The following RNF4 variants were observed in gnomAD, a reference collection of about 807,000 sequenced individuals.
RNF4 encodes the protein ring finger protein 4.
Under a neutral mutation model 24.3 loss-of-function variants are expected in RNF4, and 7 were observed. The observed-to-expected ratio is 0.29, with a 90% confidence interval of 0.16 to 0.54. The LOEUF (loss-of-function observed/expected upper bound fraction) is 0.54, where lower values mean the gene tolerates loss of function less well. RNF4 is among the 20% of genes least tolerant of loss of function. The pLI is 0.95. For missense variants in RNF4, 209 were observed against 248.5 expected (o/e 0.84, Z 1.07); for synonymous variants, 83 against 84.3 (o/e 0.98, Z 0.09).
chr4:2,510,363 C>T (rs1231814985), intron 4 of RNF4, among the ~76,000 whole-genome samples: 3 of 152,192 alleles, frequency 2.0e-5, no homozygotes, highest in Non-Finnish European at 4.4e-5. Flanking sequence ...GTGTCTGCTC[C>T]ATGAAGAAGG....
At chr4:2,496,939 A>C (rs1735754941) in intron 2 of RNF4, 68 bp from the exon 3 acceptor site, 3 of 1,181,774 alleles carry the variant, frequency 2.5e-6, no homozygotes, top group Non-Finnish European at 3.6e-6. Flanking sequence ...TCTATTGCCC[A>C]TTTAGTTCTT....
At chr4:2,481,843 G>C (rs1735254006) in intron 1 of RNF4, among the ~76,000 whole-genome samples, 1 of 152,104 alleles carries the variant, frequency 6.6e-6, no homozygotes. Flanking sequence ...AAGTAGCTGG[G>C]ACTACAGTCG....
At chr4:2,501,150 T>G (rs180758875) in intron 4 of RNF4, among the ~76,000 whole-genome samples, 25 of 152,338 alleles carry the variant, frequency 1.6e-4, no homozygotes, top group Non-Finnish European at 3.2e-4. Flanking sequence ...TCATTCACTT[T>G]CCATGAAATG....
chr4:2,487,698 A>G (rs1735453289), intron 1 of RNF4, among the ~76,000 whole-genome samples: 1 of 152,172 alleles, frequency 6.6e-6, no homozygotes, highest in Non-Finnish European at 1.5e-5. Context: ...CTGGGGTTAT[A>G]GGGCATGAGC....
At chr4:2,471,496 C>G (rs1397833667) in intron 1 of RNF4, among the ~76,000 whole-genome samples, 1 of 138,670 alleles carries the variant, frequency 7.2e-6, no homozygotes, top group South Asian at 2.9e-4. Flanking sequence ...GCAAAAGGAG[C>G]AGTCAGTTGA....
intron 4 of RNF4, among the ~76,000 whole-genome samples, chr4:2,501,312 A>G (rs1258870618): frequency 6.6e-6 from 1 of 152,254 alleles, no homozygotes; most frequent in East Asian, 1.9e-4. Context: ...AGCACTGCCC[A>G]TGGGAAATCT....
chr4:2,505,500 T>A, intron 4 of RNF4: 1 of 151,102 alleles, frequency 6.6e-6, no homozygotes, highest in Non-Finnish European at 1.5e-5. Flanking sequence ...TAATTTTTTG[T>A]ATTTTTAGTA....
At chr4:2,496,902 G>C in intron 2 of RNF4, 105 bp from the exon 3 acceptor site, 2 of 739,536 alleles carry the variant, frequency 2.7e-6, no homozygotes, top group South Asian at 1.9e-5. Context: ...AAGTCTACTC[G>C]CTGGCTTCTT....
rs1246701013 is a variant in RNF4, at chr4:2,512,405, C to T, written c.215-33C>T. On this transcript the variant is annotated intron_variant, in intron 5 of 7. Coordinates refer to ENST00000314289, the MANE Select transcript of RNF4 (RefSeq NM_002938.5). This position sits in a 1 kb window ranked among gnomAD's most constrained non-coding sequence, Gnocchi z 4.1. ...TGGTGAGGATGGTAAGAGTAGAGAG[C>T]CTCCAACCTGAAAATGTGACCTCTT... 4 of 1,582,208 alleles carry T rather than the reference C, an allele frequency of 2.5e-6. No individual in the cohort carries two copies. Among genetic ancestry groups the T allele is most frequent in the Non-Finnish European group, 2.6e-6 (3 of 1,164,326 alleles).
intron 3 of RNF4, 120 bp from the exon 4 acceptor site, chr4:2,500,539 C>G (rs1578518247): frequency 8.2e-6 from 8 of 972,664 alleles, no homozygotes; most frequent in Non-Finnish European, 1.2e-5. Flanking sequence ...GCAGTGTATA[C>G]TTCAGGATTG....
chr4:2,472,897 G>T (rs912411424), intron 1 of RNF4, among the ~76,000 whole-genome samples: 1 of 151,630 alleles, frequency 6.6e-6, no homozygotes, highest in Non-Finnish European at 1.5e-5. Flanking sequence ...AAAATTAGCC[G>T]GTCTTGGCAG....
At chr4:2,487,041 T>G (rs1334372853) in intron 1 of RNF4, among the ~76,000 whole-genome samples, 1 of 152,216 alleles carries the variant, frequency 6.6e-6, no homozygotes, top group Non-Finnish European at 1.5e-5. Context: ...CCACCTCTGT[T>G]GAAACCAACT....
At chr4:2,501,217 G>C (rs187251303) in intron 4 of RNF4, among the ~76,000 whole-genome samples, 1 of 152,250 alleles carries the variant, frequency 6.6e-6, no homozygotes, top group African/African-American at 2.4e-5. Flanking sequence ...AACAGATGCC[G>C]TGTTTGAGTG....
intron 1 of RNF4, among the ~76,000 whole-genome samples, chr4:2,482,003 T>A (rs1185500210): frequency 6.6e-6 from 1 of 152,220 alleles, no homozygotes; most frequent in African/African-American, 2.4e-5. Context: ...GGCTTCTGGG[T>A]GCTGGATTTC....
chr4:2,501,999 C>T (rs146768207), intron 4 of RNF4, among the ~76,000 whole-genome samples: 45 of 152,286 alleles, frequency 3.0e-4, no homozygotes, highest in African/African-American at 1.1e-3. Flanking sequence ...GTCTCATTAA[C>T]GTGTTTTCTG....
At chr4:2,491,517 G>T (rs1735578131) in intron 2 of RNF4, among the ~76,000 whole-genome samples, 1 of 152,038 alleles carries the variant, frequency 6.6e-6, no homozygotes. Context: ...ATCTCGGCTT[G>T]CTGCAACCTC....
At chr4:2,473,020 A>G (rs936100179) in intron 1 of RNF4, among the ~76,000 whole-genome samples, 2 of 151,974 alleles carry the variant, frequency 1.3e-5, no homozygotes, top group Admixed American at 6.6e-5. Context: ...AGCCTGGGCA[A>G]CAGAGCGAGA....
At chr4:2,494,231 G>T (rs952171064) in intron 2 of RNF4, among the ~76,000 whole-genome samples, 8 of 152,074 alleles carry the variant, frequency 5.3e-5, no homozygotes, top group Admixed American at 6.5e-5. Flanking sequence ...CTCACCAGTT[G>T]TTTTGCCATG....
chr4:2,475,411 T>A (rs535714460), intron 1 of RNF4, among the ~76,000 whole-genome samples: 68 of 152,144 alleles, frequency 4.5e-4, no homozygotes, highest in Non-Finnish European at 8.5e-4. Context: ...CGATCTCGGC[T>A]CATTGCAAGC....
Sources: allele counts gnomAD v4.1 joint callset (sites outside exome capture counted in the v4.1 genomes callset), GRCh38; gene constraint gnomAD v4.1.1; non-coding constraint Gnocchi (gnomAD v3.1); transcripts MANE v1.5; gene names NCBI Gene and HGNC (gene_info 2026-07-23, HGNC 2026-07-21).